The following RGL1 variants were observed in gnomAD, a reference collection of about 807,000 sequenced individuals.
RGL1 encodes ral guanine nucleotide dissociation stimulator like 1.
Under a neutral mutation model 95.2 loss-of-function variants are expected in RGL1, and 24 were observed. The observed-to-expected ratio is 0.25, with a 90% CI of 0.18 to 0.35. The LOEUF (loss-of-function observed/expected upper bound fraction) is 0.35, where lower values mean the gene tolerates loss of function less well. Among genes scored for constraint, RGL1 ranks in the 10% least tolerant of loss-of-function variants. The probability of loss-of-function intolerance (pLI) is 1.00; values close to 1 mark genes in which losing one functional copy is unlikely to be tolerated. For synonymous variants in RGL1, 329 were observed against 344.9 expected (o/e 0.95, Z 0.51); for missense variants, 715 against 936.3 (o/e 0.76, Z 3.08).
At chr1:183,876,201 G>A (rs1666488200) in intron 4 of RGL1, among the ~76,000 whole-genome samples, 1 of 152,222 alleles carries the variant, frequency 6.6e-6, no homozygotes, top group Admixed American at 6.5e-5. Context: ...GTGACTCTGG[G>A]AAATAAAGGG....
chr1:183,882,270 C>T (rs1189592731), intron 5 of RGL1, among the ~76,000 whole-genome samples: 2 of 152,220 alleles, frequency 1.3e-5, no homozygotes, highest in African/African-American at 2.4e-5. Flanking sequence ...ATTATAGACA[C>T]ACATTGGGCT....
intron 2 of RGL1, among the ~76,000 whole-genome samples, chr1:183,836,748 T>C (rs1020860300): frequency 2.0e-5 from 3 of 152,168 alleles, no homozygotes; most frequent in Admixed American, 1.3e-4. Context: ...TGCTGAGGGA[T>C]AGAATACTTG....
intron 4 of RGL1, among the ~76,000 whole-genome samples, chr1:183,874,499 T>G (rs1463803178): frequency 1.3e-5 from 2 of 151,842 alleles, no homozygotes; most frequent in Non-Finnish European, 2.9e-5. Flanking sequence ...TTCCTCCTTC[T>G]TGCCGTGGAG....
intron 1 of RGL1, among the ~76,000 whole-genome samples, chr1:183,730,324 G>C (rs1002757816): frequency 1.3e-5 from 2 of 152,024 alleles, no homozygotes; most frequent in African/African-American, 4.8e-5. Flanking sequence ...CAAGAGCCAG[G>C]GTTCCCTCCT....
chr1:183,751,486 T>C (rs1249078917), intron 2 of RGL1, among the ~76,000 whole-genome samples: 1 of 151,970 alleles, frequency 6.6e-6, no homozygotes, highest in Non-Finnish European at 1.5e-5. Context: ...CTTGCTGGGG[T>C]CTGTAGGGGT....
intron 1 of RGL1, among the ~76,000 whole-genome samples, chr1:183,645,120 A>G (rs998632978): frequency 1.3e-5 from 2 of 152,210 alleles, no homozygotes; most frequent in Non-Finnish European, 2.9e-5. Context: ...CTAATCCATA[A>G]GGCAACCTTA....
intron 2 of RGL1, among the ~76,000 whole-genome samples, chr1:183,845,733 C>T (rs921667721): frequency 4.6e-5 from 7 of 152,166 alleles, no homozygotes; most frequent in African/African-American, 1.2e-4. Flanking sequence ...AAAGTCAGAT[C>T]ATGATTCCAT....
At chr1:183,667,218 ATT>A (rs1422416820) in intron 1 of RGL1, among the ~76,000 whole-genome samples, 1 of 152,080 alleles carries the variant, frequency 6.6e-6, no homozygotes, top group Non-Finnish European at 1.5e-5. Flanking sequence ...GTGCCTTTAT[ATT>A]TAAAGTGGGT....
At chr1:183,880,108 T>A (rs1259838486) in intron 4 of RGL1, among the ~76,000 whole-genome samples, 1 of 152,264 alleles carries the variant, frequency 6.6e-6, no homozygotes, top group South Asian at 2.1e-4. Context: ...GTGTTCATGC[T>A]GAAGCCCTGG....
intron 1 of RGL1, among the ~76,000 whole-genome samples, chr1:183,656,113 C>CTTTTTTTTTTTTT (rs60220835): frequency 1.4e-5 from 2 of 144,972 alleles, no homozygotes; most frequent in Admixed American, 6.9e-5. Context: ...CTTTTCTTTT[C>CTTTTTTTTTTTTT]TTTTTTTTTT....
intron 3 of RGL1, among the ~76,000 whole-genome samples, chr1:183,848,127 G>T (rs970332336): frequency 3.3e-5 from 5 of 152,182 alleles, no homozygotes; most frequent in Admixed American, 2.6e-4. Context: ...TTACTGGGAT[G>T]TTGTGGGGAT....
chr1:183,792,735 A>G (rs910098818), intron 2 of RGL1, among the ~76,000 whole-genome samples: 6 of 152,136 alleles, frequency 3.9e-5, no homozygotes, highest in African/African-American at 1.4e-4. Flanking sequence ...CTAGGAATAA[A>G]TTTACTGAAG....
At chr1:183,666,240 G>C (rs991181287) in intron 1 of RGL1, among the ~76,000 whole-genome samples, 1 of 151,882 alleles carries the variant, frequency 6.6e-6, no homozygotes, top group Admixed American at 6.5e-5. Context: ...CCCGACCTCC[G>C]GTGATCCACC....
At position 183,926,553 on chromosome 1, in the gene RGL1, T is replaced by C. The variant is rs1299047824; in HGVS notation, c.*261T>C. On this transcript the variant is annotated 3_prime_UTR_variant, in exon 18 of 18. Coordinates refer to ENST00000360851, the MANE Select transcript of RGL1 (RefSeq NM_001297671.3). Reference sequence around the variant, plus strand: ...TGCAGAATTACCAACATTTAAAACATATATATGCACATGTATTTGGTATGC... The same window carrying C: ...TGCAGAATTACCAACATTTAAAACACATATATGCACATGTATTTGGTATGC... The C allele has an allele frequency of 3.7e-6, 1 of 270,946 alleles. No homozygotes were observed. The highest frequency in any genetic ancestry group is 2.2e-5 in the African/African-American group (1 of 44,936). The allele number at this position is 270,946 out of a possible 1,614,324, so 16.8% of individuals were successfully genotyped here. A position where few individuals can be genotyped will look rare whatever the true frequency, so the allele number is the denominator to read the frequency against.
rs575796943 is a variant in RGL1 at position 183,697,936 on chromosome 1, C to T, written c.-32-44190C>T. ...TGGGCATCTTTCTGTCTGTGTTGACCTAATTGCAGGCAGTAATGCATGATG... is the reference window on the plus strand; with the variant it reads ...TGGGCATCTTTCTGTCTGTGTTGACTTAATTGCAGGCAGTAATGCATGATG... On this transcript the variant is annotated intron_variant, in intron 1 of 18. Coordinates refer to the RGL1 transcript ENST00000304685. 2.6e-5 allele frequency among the ~76,000 whole-genome samples: 4 copies of T among 152,226 alleles called. No individual in the cohort carries two copies. In the South Asian group the frequency reaches 8.3e-4, roughly 32 times the overall value.
chr1:183,657,810 A>G (rs921731861), intron 1 of RGL1, among the ~76,000 whole-genome samples: 2 of 151,774 alleles, frequency 1.3e-5, no homozygotes, highest in Non-Finnish European at 2.9e-5. Flanking sequence ...ATACCCAGTA[A>G]TGGGATGGCT....
chr1:183,899,737 A>T (rs1409718992), intron 10 of RGL1, among the ~76,000 whole-genome samples: 1 of 152,202 alleles, frequency 6.6e-6, no homozygotes, highest in Non-Finnish European at 1.5e-5. Context: ...ATTAATAGTG[A>T]TGCCCCATGC....
rs140724749 is a variant in RGL1, at chr1:183,747,894, G to A, written c.132+5605G>A. On this transcript the variant is annotated intron_variant, in intron 2 of 18. Transcript: ENST00000304685. ...CCCTCTTTTTCTATGATTTGGAATA[G>A]TTTCAGAAGGAATGGTGCCAGCTCC... Among the ~76,000 whole-genome samples, 272 of 152,286 alleles carry A rather than the reference G, an allele frequency of 1.8e-3. 6 individuals carry two copies. The East Asian group carries it at 0.041, about 23-fold the overall frequency.
intron 1 of RGL1, among the ~76,000 whole-genome samples, chr1:183,692,339 CAGGAGACAGTGCAA>C (rs1653995498): frequency 6.6e-6 from 1 of 152,166 alleles, no homozygotes; most frequent in South Asian, 2.1e-4. Context: ...GGCTAGTGCA[CAGGAGACAGTGCAA>C]TCCATTCCCA....
Sources: gnomAD v4.1 joint callset for allele counts (sites outside exome capture counted in the v4.1 genomes callset) on GRCh38, gnomAD v4.1.1 for gene constraint, MANE v1.5 for transcripts, NCBI Gene and HGNC (gene_info 2026-07-23, HGNC 2026-07-21) for gene names.